ZC3H11A: variants seen among roughly 807,000 people sequenced by gnomAD.
ZC3H11A encodes zinc finger CCCH domain-containing protein 11A.
In ZC3H11A, 22 loss-of-function variants were observed where a neutral mutation model predicts 90.8. The ratio of observed to expected loss-of-function variants is 0.24; its 90% CI spans 0.17 to 0.35. ZC3H11A has a LOEUF of 0.35. ZC3H11A is among the 10% of genes least tolerant of loss of function. ZC3H11A has a pLI of 1.00. For missense variants in ZC3H11A, 701 were observed against 964.9 expected (o/e 0.73, Z 3.62); for synonymous variants, 294 against 339.8 (o/e 0.87, Z 1.48).
chr1:203,850,222 A>G lies in ZC3H11A; in HGVS notation c.1939+196A>G, dbSNP rs915468609. 4.5e-6 allele frequency: 3 copies of G among 671,176 alleles called. No individual in the cohort carries two copies. In the African/African-American group the frequency reaches 5.5e-5, roughly 12 times the overall value. 41.6% of individuals were successfully genotyped at this position (671,176 alleles called of 1,614,324 possible). ...TCTTTTCTCAGAATTTAAAATTGCT[A>G]TTTAAAAAGCTTTGTGTAAAACTTT... On this transcript the variant is annotated intron_variant, in intron 15 of 17. Transcript: ENST00000367210.
In ZC3H11A at chr1:203,850,644, G is replaced by A. The variant is rs536197711; in HGVS notation, c.2069G>A (p.Ser690Asn). The A allele has an allele frequency of 1.2e-6, 2 of 1,614,182 alleles. No homozygotes were observed. Among genetic ancestry groups the A allele is most frequent in the African/African-American group, 2.7e-5 (2 of 75,066 alleles). ...GCTGTGAAGCCACTCAGCTCCAGCA[G>A]TGTCCTACAGGAACCCCCAGCCAAA... ...IAAVKPLSSSSVLQEPPAKKA... is the reference protein window; with the variant it reads ...IAAVKPLSSSNVLQEPPAKKA... Residue 690 changes from serine (S) to asparagine (N), a missense_variant, in exon 16 of 18, where the codon AGT becomes AAT. By Grantham distance (46) the Ser-to-Asn change is conservative. Around this residue, in one of 4 missense-constraint regions of ZC3H11A, gnomAD observed 530 missense variants for 696.2 expected, o/e 0.76. Transcript: ENST00000367210.
chr1:203,832,654 C>T (rs1177850298), intron 9 of ZC3H11A, among the ~76,000 whole-genome samples: 3 of 152,164 alleles, frequency 2.0e-5, no homozygotes, highest in African/African-American at 7.2e-5. Context: ...AGCCACCACA[C>T]CCGGCCTGTA....
rs1437800513 is a variant in ZC3H11A at position 203,799,706 on chromosome 1, A to G, written c.-1587-1869A>G. ...TCCTTTCCCTGCAGAAACTCAGAGA[A>G]GATTTTCAAGTCAGAGGTATTACTC... On this transcript the variant is annotated intron_variant, in intron 1 of 17. Transcript: ENST00000367210. 4 of 720,168 alleles carry G rather than the reference A, an allele frequency of 5.6e-6. No homozygotes were observed. In the South Asian group the frequency reaches 5.9e-5, roughly 11 times the overall value. The allele number at this position is 720,168 out of a possible 1,614,324, so 44.6% of individuals were successfully genotyped here.
intron 4 of ZC3H11A, among the ~76,000 whole-genome samples, chr1:203,824,074 G>C (rs1679668880): frequency 2.0e-5 from 3 of 152,024 alleles, no homozygotes; most frequent in Non-Finnish European, 4.4e-5. Context: ...TTTGAGACCA[G>C]CTGGCCAACA....
At chr1:203,799,565 G>A (rs1669875936) in intron 1 of ZC3H11A, 2 of 702,910 alleles carry the variant, frequency 2.8e-6, no homozygotes, top group Non-Finnish European at 5.2e-6. Context: ...CCTCCCTTCA[G>A]TGGACTCTAA....
chr1:203,838,688 T>C (rs997517940), intron 11 of ZC3H11A, among the ~76,000 whole-genome samples: 1 of 152,140 alleles, frequency 6.6e-6, no homozygotes. Context: ...CGGTAGGTCA[T>C]GCCTGTAATC....
At chr1:203,834,830 A>G (rs1275217994) in intron 10 of ZC3H11A, among the ~76,000 whole-genome samples, 1 of 151,720 alleles carries the variant, frequency 6.6e-6, no homozygotes, top group Non-Finnish European at 1.5e-5. Flanking sequence ...TTTAGTAGAG[A>G]TGGGGTTTCC....
intron 2 of ZC3H11A, among the ~76,000 whole-genome samples, chr1:203,809,608 T>G (rs1266134287): frequency 1.3e-5 from 2 of 152,088 alleles, no homozygotes; most frequent in Non-Finnish European, 2.9e-5. Context: ...TTGAGAAAGG[T>G]CCCATTATTT....
intron 2 of ZC3H11A, chr1:203,806,053 C>T (rs964619305): frequency 1.0e-4 from 52 of 521,458 alleles, no homozygotes; most frequent in African/African-American, 6.0e-4. Context: ...CTCATACATC[C>T]GCTTTTGTTT....
chr1:203,819,995 A>C (rs1558112387), intron 4 of ZC3H11A, among the ~76,000 whole-genome samples: 1 of 151,474 alleles, frequency 6.6e-6, no homozygotes, highest in Non-Finnish European at 1.5e-5. Context: ...CCAGCACTTT[A>C]CTAGGCTGAG....
At chr1:203,800,589 G>A in intron 1 of ZC3H11A, 1 of 790,596 alleles carries the variant, frequency 1.3e-6, no homozygotes, top group Non-Finnish European at 1.8e-6. Flanking sequence ...CACAAGGGCT[G>A]AAAATTCCTC....
intron 14 of ZC3H11A, 136 bp downstream of exon 14, chr1:203,848,543 TTA>T (rs1269303599): frequency 1.3e-5 from 9 of 669,712 alleles, no homozygotes; most frequent in Admixed American, 1.3e-4. Flanking sequence ...TTATAATTTC[TTA>T]TGAGAATTTC....
chr1:203,818,430 T>C, intron 3 of ZC3H11A, 140 bp from the exon 4 acceptor site: 1 of 1,128,046 alleles, frequency 8.9e-7, no homozygotes, highest in African/African-American at 1.6e-5. Flanking sequence ...GTTCCTGTCA[T>C]TCCATGTCCA....
At chr1:203,809,634 T>C (rs1312792256) in intron 2 of ZC3H11A, among the ~76,000 whole-genome samples, 2 of 152,178 alleles carry the variant, frequency 1.3e-5, no homozygotes, top group African/African-American at 4.8e-5. Flanking sequence ...GGCTTCATAT[T>C]TTCAAACGGT....
intron 9 of ZC3H11A, among the ~76,000 whole-genome samples, chr1:203,833,236 T>C (rs1456072518): frequency 6.6e-6 from 1 of 152,044 alleles, no homozygotes; most frequent in Admixed American, 6.6e-5. Context: ...GGCATGGTGG[T>C]GCACGCCTGT....
chr1:203,818,485 C>T, intron 3 of ZC3H11A, 85 bp from the exon 4 acceptor site: 1 of 1,577,674 alleles, frequency 6.3e-7, no homozygotes, highest in Non-Finnish European at 8.6e-7. Context: ...TTGTGCTTGT[C>T]TAAATTCCAG....
At chr1:203,827,539 G>A (rs889937858) in intron 4 of ZC3H11A, among the ~76,000 whole-genome samples, 5 of 151,956 alleles carry the variant, frequency 3.3e-5, no homozygotes, top group Admixed American at 6.6e-5. Context: ...AAAATTAGCC[G>A]AGTGTGGTGG....
intron 9 of ZC3H11A, 59 bp downstream of exon 9, chr1:203,831,830 C>T: frequency 4.4e-6 from 6 of 1,375,894 alleles, no homozygotes; most frequent in Non-Finnish European, 6.0e-6. Context: ...ATTGGGAATG[C>T]AAAATCCTTG....
intron 1 of ZC3H11A, chr1:203,800,452 T>C (rs767832735): frequency 6.7e-7 from 1 of 1,487,600 alleles, no homozygotes; most frequent in South Asian, 1.3e-5. Context: ...GAAAAAGAAA[T>C]ACTGCCTTAA....
Sources: allele counts gnomAD v4.1 joint callset (sites outside exome capture counted in the v4.1 genomes callset), GRCh38; gene constraint gnomAD v4.1.1; regional missense constraint gnomAD v4.1.1; transcripts MANE v1.5; gene names NCBI Gene and HGNC (gene_info 2026-07-23, HGNC 2026-07-21).